Variants in TOM1L2 observed in about 807,000 individuals in gnomAD.
TOM1L2 encodes the protein target of myb1 like 2 membrane trafficking protein, also known as TOM1-like protein 2.
A neutral mutation model predicts 67.9 loss-of-function variants in TOM1L2; 31 were observed. That is an observed-to-expected ratio of 0.46 (90% CI 0.34 to 0.62). TOM1L2 has a LOEUF of 0.62. Ranked by LOEUF, TOM1L2 falls within the 20% of genes least tolerant of loss-of-function variation. The pLI, the probability that TOM1L2 is intolerant of heterozygous loss-of-function variation, is 0.01. For missense variants in TOM1L2, 606 were observed against 663.5 expected (o/e 0.91, Z 0.95); for synonymous variants, 256 against 254.0 (o/e 1.01, Z -0.07).
At chr17:17,897,462 G>C (rs994802597) in intron 3 of TOM1L2, among the ~76,000 whole-genome samples, 2 of 152,134 alleles carry the variant, frequency 1.3e-5, no homozygotes, top group East Asian at 3.9e-4. Flanking sequence ...CTATTTCAAA[G>C]CCCCAGAGAA....
chr17:17,888,454 T>G (rs1016359288), intron 4 of TOM1L2, among the ~76,000 whole-genome samples: 1 of 152,252 alleles, frequency 6.6e-6, no homozygotes, highest in Non-Finnish European at 1.5e-5. Context: ...ATTTAAACTA[T>G]GGGCTCTGGG....
intron 1 of TOM1L2, among the ~76,000 whole-genome samples, chr17:17,956,499 C>G (rs919279688): frequency 6.6e-6 from 1 of 152,258 alleles, no homozygotes; most frequent in African/African-American, 2.4e-5. Flanking sequence ...TGCGCCTGCA[C>G]TCCTCAGCCC....
chr17:17,857,490 C>T (rs1292635033), intron 12 of TOM1L2, among the ~76,000 whole-genome samples: 1 of 152,100 alleles, frequency 6.6e-6, no homozygotes, highest in Non-Finnish European at 1.5e-5. Context: ...GCTCCGGAGA[C>T]AGTAAAAGGA....
At position 17,950,889 on chromosome 17, in the gene TOM1L2, C is replaced by T. The variant is rs372332711; in HGVS notation, c.52+21373G>A. 3.0e-4 allele frequency among the ~76,000 whole-genome samples: 46 copies of T among 152,234 alleles called. No homozygotes were observed. The South Asian group carries it at 8.7e-3, about 29-fold the overall frequency. ...GATCTGGGAAAACCTAGGCCAGAGC[C>T]TTGGTGCAGAGGGAAAAGAAAGATC... On this transcript the variant is annotated intron_variant, in intron 1 of 14. Coordinates refer to ENST00000379504, the MANE Select transcript of TOM1L2 (RefSeq NM_001082968.2).
chr17:17,947,489 A>G (rs2041002400), intron 1 of TOM1L2, among the ~76,000 whole-genome samples: 1 of 152,226 alleles, frequency 6.6e-6, no homozygotes, highest in African/African-American at 2.4e-5. Flanking sequence ...CCAATCATGC[A>G]TGCACAGAGG....
At chr17:17,902,103 G>C (rs2038884462) in intron 2 of TOM1L2, among the ~76,000 whole-genome samples, 1 of 152,190 alleles carries the variant, frequency 6.6e-6, no homozygotes, top group South Asian at 2.1e-4. Flanking sequence ...TTGAGCCTGG[G>C]AGGCGGTGGT....
At chr17:17,917,903 C>T (rs543908162) in intron 1 of TOM1L2, among the ~76,000 whole-genome samples, 9 of 151,970 alleles carry the variant, frequency 5.9e-5, no homozygotes, top group Admixed American at 4.6e-4. Flanking sequence ...TGCACTGAGC[C>T]GTAATTGAGC....
Position 17,869,324 on chromosome 17 carries a change from G to T in TOM1L2, c.911+16C>A. ...TTTTCAAGGGAAAAAAAAAAAAAAA[G>T]AAATCCGGCTCCCACCTCTCGTATC... is the stretch of plus-strand genomic sequence containing the variant. On this transcript the variant is annotated intron_variant, in intron 8 of 14. Coordinates refer to ENST00000379504, the MANE Select transcript of TOM1L2 (RefSeq NM_001082968.2). 6.1e-6 allele frequency: 8 copies of T among 1,313,748 alleles called. No individual in the cohort carries two copies. Among genetic ancestry groups the T allele is most frequent in the South Asian group, 2.6e-5 (2 of 77,682 alleles). The allele number at this position is 1,313,748 out of a possible 1,614,324, so 81.4% of individuals were successfully genotyped here. A position where few individuals can be genotyped will look rare whatever the true frequency, so the allele number is the denominator to read the frequency against.
At chr17:17,972,223 C>T (rs1298189076) in intron 1 of TOM1L2, 39 bp downstream of exon 1, 5 of 1,548,188 alleles carry the variant, frequency 3.2e-6, no homozygotes, top group Non-Finnish European at 4.4e-6. Context: ...GGATCAGCGG[C>T]CGCCGTTGCC....
chr17:17,904,256 G>A (rs1358347125), intron 2 of TOM1L2, among the ~76,000 whole-genome samples: 1 of 152,204 alleles, frequency 6.6e-6, no homozygotes, highest in Admixed American at 6.5e-5. Context: ...AAAGATGTGT[G>A]TGACCAGCCT....
At chr17:17,851,799 C>T (rs183219988) in intron 12 of TOM1L2, among the ~76,000 whole-genome samples, 360 of 152,288 alleles carry the variant, frequency 2.4e-3, no homozygotes, top group Non-Finnish European at 4.2e-3. Context: ...GGCGCAGCAG[C>T]CAGAGCCAGG....
intron 4 of TOM1L2, among the ~76,000 whole-genome samples, chr17:17,885,107 G>A (rs1379247269): frequency 6.6e-6 from 1 of 152,244 alleles, no homozygotes; most frequent in Non-Finnish European, 1.5e-5. Context: ...TCAATTGCTG[G>A]GGCTGTTCAG....
intron 4 of TOM1L2, among the ~76,000 whole-genome samples, chr17:17,889,297 T>C (rs182119577): frequency 3.3e-4 from 51 of 152,254 alleles, no homozygotes; most frequent in African/African-American, 1.2e-3. Context: ...GCCAGGGTGC[T>C]ACTGATGGCA....
At chr17:17,872,068 G>A in intron 7 of TOM1L2, 9 of 985,362 alleles carry the variant, frequency 9.1e-6, no homozygotes, top group Non-Finnish European at 9.6e-6. Context: ...TGGATTGCCA[G>A]GCAATAATGG....
chr17:17,870,616 C>T (rs888883932), intron 7 of TOM1L2, among the ~76,000 whole-genome samples: 2 of 152,184 alleles, frequency 1.3e-5, no homozygotes, highest in African/African-American at 4.8e-5. Context: ...AGCCTCAAAA[C>T]GACTTCATTT....
chr17:17,865,087 A>G (rs1336811872), intron 10 of TOM1L2, among the ~76,000 whole-genome samples: 1 of 152,274 alleles, frequency 6.6e-6, no homozygotes, highest in Non-Finnish European at 1.5e-5. Context: ...GGTATCATCC[A>G]GTATAACCAA....
chr17:17,969,997 CT>C (rs1396019595), intron 1 of TOM1L2, among the ~76,000 whole-genome samples: 1 of 152,104 alleles, frequency 6.6e-6, no homozygotes, highest in Non-Finnish European at 1.5e-5. Flanking sequence ...GTATCAAGCT[CT>C]TTCCACTTGC....
chr17:17,878,126 C>T lies in TOM1L2; in HGVS notation c.777+1501G>A, dbSNP rs536454479. ...CTCAGAATCCTGTGCATCTGGGTAA[C>T]GCCTGGCCGAACCTTCCTGCAGGCT... On this transcript the variant is annotated intron_variant, in intron 7 of 14. Transcript: ENST00000379504. 8.5e-5 allele frequency among the ~76,000 whole-genome samples: 13 copies of T among 152,366 alleles called. No individual in the cohort carries two copies. In the South Asian group the frequency reaches 1.9e-3, roughly 22 times the overall value.
intron 1 of TOM1L2, among the ~76,000 whole-genome samples, chr17:17,944,027 A>G (rs758202376): frequency 1.3e-5 from 2 of 152,324 alleles, no homozygotes; most frequent in Non-Finnish European, 2.9e-5. Context: ...ATGCTGCTAC[A>G]TTATCAGAGC....
Sources: allele counts gnomAD v4.1 joint callset (sites outside exome capture counted in the v4.1 genomes callset), GRCh38; gene constraint gnomAD v4.1.1; transcripts MANE v1.5; gene names NCBI Gene and HGNC (gene_info 2026-07-23, HGNC 2026-07-21).